Variants in C8orf34 observed in about 807,000 individuals in gnomAD.
C8orf34 encodes uncharacterized protein C8orf34.
In C8orf34, 65 loss-of-function variants were observed where a neutral mutation model predicts 68.3. That is an observed-to-expected ratio of 0.95 (90% CI 0.78 to 1.17). C8orf34 has a LOEUF of 1.17. Among genes scored for constraint, C8orf34 ranks in the 50% most tolerant of loss-of-function variants. The pLI, the probability that C8orf34 is intolerant of heterozygous loss-of-function variation, is 0.00. For synonymous variants in C8orf34, 244 were observed against 241.2 expected (o/e 1.01, Z -0.11); for missense variants, 664 against 655.4 (o/e 1.01, Z -0.14).
chr8:68,576,177 C>A (rs1563539814), intron 7 of C8orf34, among the ~76,000 whole-genome samples: 1 of 151,540 alleles, frequency 6.6e-6, no homozygotes, highest in Non-Finnish European at 1.5e-5. Flanking sequence ...CCCACACAAA[C>A]ACATCATCAT....
intron 10 of C8orf34, among the ~76,000 whole-genome samples, chr8:68,769,949 G>A (rs531837526): frequency 6.6e-5 from 10 of 152,244 alleles, no homozygotes; most frequent in African/African-American, 2.4e-4. Context: ...AGTGAGGGGA[G>A]CCGGGGATGG....
intron 7 of C8orf34, among the ~76,000 whole-genome samples, chr8:68,595,187 C>T (rs1205411556): frequency 6.6e-6 from 1 of 150,976 alleles, no homozygotes; most frequent in Non-Finnish European, 1.5e-5. Flanking sequence ...CTGACACTTA[C>T]CCCCCAAATA....
chr8:68,486,281 C>T (rs755986382), intron 4 of C8orf34, among the ~76,000 whole-genome samples: 4 of 152,196 alleles, frequency 2.6e-5, no homozygotes, highest in Non-Finnish European at 4.4e-5. Flanking sequence ...TTCTCCATCA[C>T]GGTTCACTCA....
intron 7 of C8orf34, among the ~76,000 whole-genome samples, chr8:68,597,042 C>T (rs1817565341): frequency 6.6e-6 from 1 of 152,076 alleles, no homozygotes. Flanking sequence ...AGTGTTGAAA[C>T]TTGATTTCTT....
At chr8:68,773,919 C>T (rs1201210504) in intron 10 of C8orf34, among the ~76,000 whole-genome samples, 1 of 152,108 alleles carries the variant, frequency 6.6e-6, no homozygotes, top group East Asian at 1.9e-4. Flanking sequence ...CGGTCATCAC[C>T]AGGTCTTAGC....
chr8:68,450,232 A>G (rs998302575), intron 3 of C8orf34, among the ~76,000 whole-genome samples: 1 of 152,110 alleles, frequency 6.6e-6, no homozygotes, highest in Non-Finnish European at 1.5e-5. Flanking sequence ...TGCCACTTCT[A>G]TTTCTAGTTC....
intron 1 of C8orf34, among the ~76,000 whole-genome samples, chr8:68,378,716 A>T (rs967641150): frequency 2.0e-5 from 3 of 152,256 alleles, no homozygotes; most frequent in East Asian, 3.8e-4. Context: ...TTTCTAGCTA[A>T]ATAAGCCATT....
intron 7 of C8orf34, among the ~76,000 whole-genome samples, chr8:68,556,584 C>T (rs1051961126): frequency 6.6e-6 from 1 of 152,098 alleles, no homozygotes; most frequent in East Asian, 1.9e-4. Context: ...AGGATCCGGG[C>T]ACAGGAGCAG....
chr8:68,429,435 G>A (rs1810362651), intron 1 of C8orf34, among the ~76,000 whole-genome samples: 2 of 152,190 alleles, frequency 1.3e-5, no homozygotes, highest in Non-Finnish European at 2.9e-5. Context: ...GCGGGTGGGA[G>A]ACAATTGTTT....
chr8:68,525,956 CTTTTT>C (rs10692707), intron 6 of C8orf34: 91 of 178,626 alleles, frequency 5.1e-4, no homozygotes, highest in South Asian at 1.2e-3. Context: ...TTCTTTCTTT[CTTTTT>C]TTTTTTTTTT....
At chr8:68,352,755 G>A (rs1585968378) in intron 1 of C8orf34, among the ~76,000 whole-genome samples, 1 of 152,070 alleles carries the variant, frequency 6.6e-6, no homozygotes, top group South Asian at 2.1e-4. Context: ...TTCATTGTAG[G>A]AATGTATTTT....
At chr8:68,529,266 C>T (rs1331403488) in intron 6 of C8orf34, among the ~76,000 whole-genome samples, 2 of 152,156 alleles carry the variant, frequency 1.3e-5, no homozygotes, top group African/African-American at 4.8e-5. Context: ...TTGTCAATGT[C>T]ACAGGACGAC....
Position 68,434,822 on chromosome 8 carries a change from G to A in C8orf34, c.328-4677G>A, listed in dbSNP as rs369541094. Among the ~76,000 whole-genome samples the A allele has an allele frequency of 1.8e-4, 28 of 152,080 alleles. No individual in the cohort carries two copies. In the East Asian group the frequency reaches 2.9e-3, roughly 16 times the overall value. ...AGCACTCTGGGAGGCCGAGGTAGGC[G>A]GATCACAAGGTCAGGAGTTCAAGAC... On this transcript the variant is annotated intron_variant, in intron 1 of 13. Transcript: ENST00000518698.
intron 7 of C8orf34, among the ~76,000 whole-genome samples, chr8:68,560,725 A>G (rs1308829484): frequency 2.6e-5 from 4 of 152,174 alleles, no homozygotes; most frequent in Admixed American, 2.6e-4. Context: ...GGTATGCAAG[A>G]TAAAAAATGG....
intron 1 of C8orf34, among the ~76,000 whole-genome samples, chr8:68,418,394 T>C (rs1358695006): frequency 6.6e-6 from 1 of 152,086 alleles, no homozygotes; most frequent in Admixed American, 6.6e-5. Flanking sequence ...GGAATGCTTC[T>C]AGATTTTGCC....
intron 4 of C8orf34, among the ~76,000 whole-genome samples, chr8:68,478,036 T>G (rs1469770408): frequency 1.3e-5 from 2 of 152,142 alleles, no homozygotes; most frequent in Non-Finnish European, 2.9e-5. Context: ...CCTGGAGACA[T>G]TTTCCCCATT....
chr8:68,619,010 G>A lies in C8orf34; in HGVS notation c.1106-21366G>A, dbSNP rs148990016. 1.5e-4 allele frequency among the ~76,000 whole-genome samples: 23 copies of A among 152,210 alleles called. No individual in the cohort carries two copies. In the East Asian group the frequency reaches 4.4e-3, roughly 29 times the overall value. On this transcript the variant is annotated intron_variant, in intron 7 of 13. Transcript: ENST00000518698. ...AGGGGGATGGAAAAGTCTTCATGGA[G>A]GGCTGATGTTTGAGCTGAACTTTAA...
At chr8:68,692,598 C>T (rs557524767) in intron 8 of C8orf34, among the ~76,000 whole-genome samples, 9 of 152,004 alleles carry the variant, frequency 5.9e-5, no homozygotes, top group South Asian at 2.1e-4. Context: ...AAAAAACTTA[C>T]GGAAAGGCAA....
In C8orf34 at chr8:68,812,535, A is replaced by T. The variant is rs528115718; in HGVS notation, c.1550-3351A>T. ...GGATTATCCATTTTAAAACTTTAAA[A>T]TTTTTTTTAAGGTTTCTACCACTTA... On this transcript the variant is annotated intron_variant, in intron 12 of 13. Transcript: ENST00000518698. Among the ~76,000 whole-genome samples, 201 of 152,088 alleles carry T rather than the reference A, an allele frequency of 1.3e-3. 1 individual carries two copies. Among genetic ancestry groups the T allele is most frequent in the African/African-American group, 4.4e-3 (182 of 41,532 alleles).
Sources: gnomAD v4.1 joint callset for allele counts (sites outside exome capture counted in the v4.1 genomes callset) on GRCh38, gnomAD v4.1.1 for gene constraint, MANE v1.5 for transcripts, NCBI Gene and HGNC (gene_info 2026-07-23, HGNC 2026-07-21) for gene names.